Variants in NLRP3 observed in about 807,000 individuals in gnomAD.
NLRP3 encodes NACHT, LRR and PYD domains-containing protein 3.
Under a neutral mutation model 91.3 loss-of-function variants are expected in NLRP3, and 48 were observed. The ratio of observed to expected loss-of-function variants is 0.53; its 90% CI spans 0.42 to 0.67. NLRP3 has a LOEUF of 0.67. Among genes scored for constraint, NLRP3 ranks in the 30% least tolerant of loss-of-function variants. The pLI is 0.00. For missense variants in NLRP3, 982 were observed against 1,276.9 expected, an observed-to-expected ratio of 0.77 and a Z score of 3.52; for synonymous variants, 561 against 507.9, an observed-to-expected ratio of 1.10 and a Z score of -1.41.
At chr1:247,434,595 C>A (rs1663652427) in intron 6 of NLRP3, among the ~76,000 whole-genome samples, 1 of 152,158 alleles carries the variant, frequency 6.6e-6, no homozygotes, top group African/African-American at 2.4e-5. Flanking sequence ...TCATGACAAG[C>A]CCTGGGTCCT....
chr1:247,443,570 AAAAAAG>A (rs1230005761), intron 7 of NLRP3, among the ~76,000 whole-genome samples: 1 of 131,706 alleles, frequency 7.6e-6, no homozygotes, highest in African/African-American at 2.6e-5. Flanking sequence ...TAAAAAAAAA[AAAAAAG>A]GCCCCTGCAG....
chr1:247,441,123 CTT>C (rs199915687), intron 7 of NLRP3, among the ~76,000 whole-genome samples: 70 of 81,048 alleles, frequency 8.6e-4, no homozygotes, highest in Non-Finnish European at 1.5e-3. Flanking sequence ...CTCTCTTTTT[CTT>C]TTTCTCTTTC....
In NLRP3 at chr1:247,424,262, G is replaced by A. The variant is rs1376926172; in HGVS notation, c.813G>A (p.Gly271=). 6.2e-7 allele frequency: 1 copy of A among 1,614,052 alleles called. No homozygotes were observed. Among genetic ancestry groups the A allele is most frequent in the South Asian group, 1.1e-5 (1 of 91,068 alleles). Residue 271 remains glycine, a synonymous_variant, in exon 4 of 10, where the codon GGG becomes GGA. Coordinates refer to ENST00000336119, the MANE Select transcript of NLRP3 (RefSeq NM_001243133.2). The surrounding 1 kb of genome is among the most constrained non-coding windows in gnomAD (Gnocchi z 8.1). ...EVSLVTQRSL[G]DLIMSCCPDP... ...GCCTTGTGACACAGAGGAGCCTGGGGGACCTGATCATGAGCTGCTGCCCCG... is the reference window on the plus strand; with the variant it reads ...GCCTTGTGACACAGAGGAGCCTGGGAGACCTGATCATGAGCTGCTGCCCCG...
chr1:247,425,162 G>A lies in NLRP3; in HGVS notation c.1713G>A (p.Leu571=). 6.2e-7 allele frequency: 1 copy of A among 1,613,676 alleles called. No individual in the cohort carries two copies. The change falls in exon 4 of 10, where the codon TTG becomes TTA. Residue 571 remains leucine (L), a synonymous_variant. Transcript: ENST00000336119. This position sits in a 1 kb window ranked among gnomAD's most constrained non-coding sequence, Gnocchi z 4.1. ...ATGGCAAATTCGAAAAGGGGTATTT[G>A]ATTTTTGTTGTACGTTTCCTCTTTG... is the stretch of plus-strand genomic sequence containing the variant. ...ENYGKFEKGY[L]IFVVRFLFGL... is the part of the protein sequence containing the mutation.
At chr1:247,441,588 A>G (rs1160793467) in intron 7 of NLRP3, among the ~76,000 whole-genome samples, 3 of 152,116 alleles carry the variant, frequency 2.0e-5, no homozygotes, top group Non-Finnish European at 4.4e-5. Context: ...AAAATCCCCA[A>G]CCAATTAACT....
chr1:247,420,356 T>C (rs1003290213), intron 2 of NLRP3, among the ~76,000 whole-genome samples: 3 of 152,170 alleles, frequency 2.0e-5, no homozygotes, highest in Admixed American at 6.5e-5. Flanking sequence ...TCCTATTCTG[T>C]GGGTTGTCTT....
intron 5 of NLRP3, among the ~76,000 whole-genome samples, chr1:247,432,528 G>A (rs775994961): frequency 6.6e-6 from 1 of 152,154 alleles, no homozygotes; most frequent in African/African-American, 2.4e-5. Flanking sequence ...CATGGAGACT[G>A]GTTGTTTGGG....
chr1:247,440,071 G>A (rs1664096507), intron 7 of NLRP3, among the ~76,000 whole-genome samples: 1 of 152,132 alleles, frequency 6.6e-6, no homozygotes, highest in Non-Finnish European at 1.5e-5. Context: ...GTTAGGTATA[G>A]CCTATGGGTT....
At chr1:247,446,177 C>A (rs1325639697) in intron 9 of NLRP3, among the ~76,000 whole-genome samples, 1 of 152,188 alleles carries the variant, frequency 6.6e-6, no homozygotes, top group Non-Finnish European at 1.5e-5. Flanking sequence ...TGAGCTCTGC[C>A]TTCCCAGCTT....
chr1:247,445,921 C>T (rs1664557569), intron 9 of NLRP3, among the ~76,000 whole-genome samples: 1 of 152,134 alleles, frequency 6.6e-6, no homozygotes, highest in Admixed American at 6.6e-5. Context: ...CTGTGGCCTC[C>T]AGATTATATG....
chr1:247,420,071 T>G (rs1366318626), intron 2 of NLRP3, among the ~76,000 whole-genome samples: 1 of 152,218 alleles, frequency 6.6e-6, no homozygotes, highest in Non-Finnish European at 1.5e-5. Flanking sequence ...AAGAACACGT[T>G]ATTTTTATTT....
At chr1:247,419,164 A>ATATATATATTTT (rs1491303088) in intron 2 of NLRP3, 87 bp downstream of exon 2, 2 of 693,380 alleles carry the variant, frequency 2.9e-6, no homozygotes, top group Admixed American at 5.3e-5. Context: ...ATATATATAT[A>ATATATATATTTT]TTTTTTTTTG....
intron 5 of NLRP3, among the ~76,000 whole-genome samples, chr1:247,430,360 C>T (rs1663220115): frequency 1.3e-5 from 2 of 152,150 alleles, no homozygotes; most frequent in South Asian, 2.1e-4. Context: ...TGCCATCTTG[C>T]CTTGGGGGGA....
chr1:247,418,724 T>A lies in NLRP3; in HGVS notation c.-77T>A. The A allele has an allele frequency of 6.4e-7, 1 of 1,559,246 alleles. No homozygotes were observed. Among genetic ancestry groups the A allele is most frequent in the African/African-American group, 1.4e-5 (1 of 74,010 alleles). On this transcript the variant is annotated 5_prime_UTR_variant, in exon 2 of 10. Transcript: ENST00000336119. Reference sequence around the variant, plus strand: ...AAGTGGAGACTTTAAAAAAGACTCATCCGTGTGCCGTGTTCACTGCCTGGT... The same window carrying A: ...AAGTGGAGACTTTAAAAAAGACTCAACCGTGTGCCGTGTTCACTGCCTGGT...
intron 6 of NLRP3, 105 bp from the exon 7 acceptor site, chr1:247,435,865 C>A: frequency 9.6e-7 from 1 of 1,044,182 alleles, no homozygotes; most frequent in East Asian, 2.4e-5. Flanking sequence ...CACTCCCTTT[C>A]CATGTGTAAA....
chr1:247,434,809 C>T (rs74460651), intron 6 of NLRP3, among the ~76,000 whole-genome samples: 17,881 of 151,946 alleles, frequency 0.12, 1,255 homozygotes, highest in Middle Eastern at 0.18. Flanking sequence ...GGTGTGGGTG[C>T]GGAGAAATGG....
intron 9 of NLRP3, among the ~76,000 whole-genome samples, chr1:247,445,693 G>A (rs1664541896): frequency 1.3e-5 from 2 of 152,162 alleles, no homozygotes; most frequent in Admixed American, 6.5e-5. Context: ...ACTTTTCCCT[G>A]AAGACGTTTT....
chr1:247,429,834 T>G, intron 5 of NLRP3, 79 bp downstream of exon 5: 6 of 1,547,964 alleles, frequency 3.9e-6, no homozygotes, highest in Non-Finnish European at 5.3e-6. Flanking sequence ...GAGAAAGATC[T>G]TCAGGACCAG....
chr1:247,419,076 G>A lies in NLRP3; in HGVS notation c.276G>A (p.Trp92Ter). 6.2e-7 allele frequency: 1 copy of A among 1,609,364 alleles called. No individual in the cohort carries two copies. The highest frequency in any genetic ancestry group is 8.5e-7 in the Non-Finnish European group (1 of 1,179,882). ...YEKAKRDEPKWGSDNARVSNP... is the reference protein window; with the variant it reads ...YEKAKRDEPK Reference sequence around the variant, plus strand: ...AAGCAAAAAGAGATGAGCCGAAGTGGGGTGAGTGGAAGGAAGACTTTTAAA... The same window carrying A: ...AAGCAAAAAGAGATGAGCCGAAGTGAGGTGAGTGGAAGGAAGACTTTTAAA... Residue 92 changes from tryptophan to a stop codon, truncating the protein, a stop_gained and splice_region_variant, in exon 2 of 10, where the codon TGG becomes TGA. Coordinates refer to ENST00000336119, the MANE Select transcript of NLRP3 (RefSeq NM_001243133.2). LOFTEE classifies it high-confidence loss of function.
Sources: allele counts gnomAD v4.1 joint callset (sites outside exome capture counted in the v4.1 genomes callset), GRCh38; gene constraint gnomAD v4.1.1; non-coding constraint Gnocchi (gnomAD v3.1); transcripts MANE v1.5; gene names NCBI Gene and HGNC (gene_info 2026-07-23, HGNC 2026-07-21).